The following SPATA16 variants were observed in gnomAD, a reference collection of about 807,000 sequenced individuals.
SPATA16 encodes the protein spermatogenesis associated 16, also known as spermatogenesis-associated protein 16.
Under a neutral mutation model 63.3 loss-of-function variants are expected in SPATA16, and 36 were observed. The observed-to-expected ratio is 0.57, with a 90% confidence interval of 0.44 to 0.75. The LOEUF (loss-of-function observed/expected upper bound fraction) is 0.75, where lower values mean the gene tolerates loss of function less well. Ranked by LOEUF, SPATA16 falls within the 30% of genes least tolerant of loss-of-function variation. The pLI, the probability that SPATA16 is intolerant of heterozygous loss-of-function variation, is 0.00. For synonymous variants in SPATA16, 203 were observed against 216.7 expected (o/e 0.94, Z 0.56); for missense variants, 646 against 679.3 (o/e 0.95, Z 0.54).
chr3:173,034,914 T>A (rs1257418913), intron 3 of SPATA16, among the ~76,000 whole-genome samples: 1 of 152,288 alleles, frequency 6.6e-6, no homozygotes, highest in Admixed American at 6.5e-5. Flanking sequence ...ACACACTCCT[T>A]TCTTGATTGA....
At chr3:172,974,197 T>G (rs191484727) in intron 5 of SPATA16, among the ~76,000 whole-genome samples, 115 of 152,214 alleles carry the variant, frequency 7.6e-4, no homozygotes, top group African/African-American at 2.7e-3. Context: ...GTTCTCAAAT[T>G]TTTACATTCT....
chr3:172,969,656 A>G (rs1379976977), intron 5 of SPATA16, among the ~76,000 whole-genome samples: 1 of 152,204 alleles, frequency 6.6e-6, no homozygotes, highest in Non-Finnish European at 1.5e-5. Flanking sequence ...ACAGAAGCAG[A>G]AATGAAGGCC....
chr3:173,088,008 GTCTTTCTTTCTTTCTTTCTTTCTTTCTT>G (rs57997275), intron 2 of SPATA16, among the ~76,000 whole-genome samples: 136 of 90,908 alleles, frequency 1.5e-3, no homozygotes, highest in East Asian at 8.1e-3. Context: ...TTTTCTTTCC[GTCTTTCTTTCTTTCTTTCTTTCTTTCTT>G]TCTTTCTTTC....
intron 10 of SPATA16, among the ~76,000 whole-genome samples, chr3:172,890,060 C>T (rs1157186169): frequency 6.6e-6 from 1 of 152,126 alleles, no homozygotes; most frequent in Non-Finnish European, 1.5e-5. Flanking sequence ...TCTCCTTTAT[C>T]AACAATAAGA....
At chr3:172,950,427 C>G (rs1381864963) in intron 6 of SPATA16, among the ~76,000 whole-genome samples, 9 of 152,182 alleles carry the variant, frequency 5.9e-5, no homozygotes, top group African/African-American at 1.9e-4. Context: ...TTCTGCGGTG[C>G]AAATATTAGA....
chr3:173,020,602 T>C (rs148622465), intron 3 of SPATA16, among the ~76,000 whole-genome samples: 19 of 152,324 alleles, frequency 1.2e-4, no homozygotes, highest in African/African-American at 3.4e-4. Context: ...TCTCCCTAGC[T>C]GCCTTCTTCT....
At chr3:172,901,853 G>GT (rs1183602507) in intron 10 of SPATA16, among the ~76,000 whole-genome samples, 1 of 152,126 alleles carries the variant, frequency 6.6e-6, no homozygotes, top group Non-Finnish European at 1.5e-5. Context: ...AACATTGTGG[G>GT]AGAAGACTCA....
In SPATA16 at chr3:172,996,335, G is replaced by A. The variant is rs548216515; in HGVS notation, c.849-19283C>T. Among the ~76,000 whole-genome samples, 4 of 152,110 alleles carry A rather than the reference G, an allele frequency of 2.6e-5. No homozygotes were observed. The South Asian group carries it at 8.3e-4, about 31-fold the overall frequency. ...ATCTGCTGGGTTTCTTCACCATAAG[G>A]TTAACAGTTATTTTTTGTGATTGAT... On this transcript the variant is annotated intron_variant, in intron 4 of 10. Transcript: ENST00000351008.
intron 10 of SPATA16, among the ~76,000 whole-genome samples, chr3:172,907,219 A>T (rs981154931): frequency 5.3e-5 from 8 of 152,126 alleles, no homozygotes; most frequent in African/African-American, 1.9e-4. Flanking sequence ...CAGGTCCCCA[A>T]ATTGCTAGTT....
intron 2 of SPATA16, among the ~76,000 whole-genome samples, chr3:173,076,253 G>T (rs1224152319): frequency 6.6e-6 from 1 of 152,092 alleles, no homozygotes; most frequent in Non-Finnish European, 1.5e-5. Flanking sequence ...TTTCAGAGGT[G>T]TTTATGTGCA....
chr3:173,114,434 CTT>C (rs1451273171), intron 2 of SPATA16, among the ~76,000 whole-genome samples: 2 of 152,098 alleles, frequency 1.3e-5, no homozygotes, highest in East Asian at 3.9e-4. Flanking sequence ...GTGTGCCTCT[CTT>C]TTTCCTTTTT....
chr3:173,137,872 C>G (rs948063449), intron 1 of SPATA16, among the ~76,000 whole-genome samples: 3 of 143,730 alleles, frequency 2.1e-5, no homozygotes, highest in African/African-American at 7.8e-5. Flanking sequence ...CACACACACA[C>G]AGACACACAC....
At chr3:173,057,502 C>G (rs1009188447) in intron 2 of SPATA16, among the ~76,000 whole-genome samples, 14 of 152,054 alleles carry the variant, frequency 9.2e-5, no homozygotes, top group African/African-American at 3.4e-4. Context: ...ATTTTTTTCA[C>G]CTCTTTCAGG....
intron 3 of SPATA16, among the ~76,000 whole-genome samples, chr3:173,030,916 A>G (rs1319845163): frequency 6.6e-6 from 1 of 152,100 alleles, no homozygotes; most frequent in Non-Finnish European, 1.5e-5. Context: ...AAGAAAATTA[A>G]GACACATGCT....
chr3:173,076,001 G>T (rs183517029), intron 2 of SPATA16, among the ~76,000 whole-genome samples: 1 of 152,000 alleles, frequency 6.6e-6, no homozygotes, highest in Admixed American at 6.6e-5. Flanking sequence ...AATTACCCCC[G>T]ATTTGATCAT....
intron 4 of SPATA16, among the ~76,000 whole-genome samples, chr3:173,015,498 T>C (rs1228014172): frequency 6.6e-6 from 1 of 152,250 alleles, no homozygotes; most frequent in African/African-American, 2.4e-5. Context: ...TTTTTGCCTA[T>C]GTATTTTCAA....
intron 2 of SPATA16, among the ~76,000 whole-genome samples, chr3:173,108,358 A>G (rs889480830): frequency 3.9e-5 from 6 of 152,154 alleles, no homozygotes; most frequent in Non-Finnish European, 8.8e-5. Flanking sequence ...ACATTTTTAT[A>G]TAATATTTTT....
intron 1 of SPATA16, among the ~76,000 whole-genome samples, chr3:173,128,605 T>C (rs542204184): frequency 7.2e-5 from 11 of 152,328 alleles, no homozygotes; most frequent in African/African-American, 2.4e-4. Context: ...CAAATGGTTA[T>C]GGCATATGCT....
chr3:172,921,946 C>T (rs1471290948), intron 8 of SPATA16, among the ~76,000 whole-genome samples: 1 of 152,160 alleles, frequency 6.6e-6, no homozygotes. Context: ...AATGACAATT[C>T]AATGCCTAAA....
Sources: allele counts gnomAD v4.1 joint callset (sites outside exome capture counted in the v4.1 genomes callset), GRCh38; gene constraint gnomAD v4.1.1; transcripts MANE v1.5; gene names NCBI Gene and HGNC (gene_info 2026-07-23, HGNC 2026-07-21).